ROBO2: variants seen among roughly 807,000 people sequenced by gnomAD.
ROBO2 encodes roundabout guidance receptor 2, also known as roundabout homolog 2.
In ROBO2, 53 loss-of-function variants were observed where a neutral mutation model predicts 160.8. The ratio of observed to expected loss-of-function variants is 0.33; its 90% CI spans 0.26 to 0.41. The LOEUF (loss-of-function observed/expected upper bound fraction) is 0.41, where lower values mean the gene tolerates loss of function less well. Ranked by LOEUF, ROBO2 falls within the 10% of genes least tolerant of loss-of-function variation. The pLI is 1.00. For synonymous variants in ROBO2, 664 were observed against 611.7 expected, an observed-to-expected ratio of 1.09 and a Z score of -1.26; for missense variants, 1,577 against 1,722.4, an observed-to-expected ratio of 0.92 and a Z score of 1.49.
intron 16 of ROBO2, among the ~76,000 whole-genome samples, chr3:77,581,360 G>A (rs1030102474): frequency 4.6e-5 from 7 of 151,980 alleles, no homozygotes; most frequent in Admixed American, 6.6e-5. Context: ...GATATTTAGT[G>A]CTTCCTAAGA....
Position 75,937,924 on chromosome 3 carries a change from A to G in ROBO2, c.109+322A>G, listed in dbSNP as rs1448835982. Among the ~76,000 whole-genome samples the G allele has an allele frequency of 2.2e-5, 3 of 139,416 alleles. No individual in the cohort carries two copies. The East Asian group carries it at 6.5e-4, about 30-fold the overall frequency. 91.5% of individuals were successfully genotyped at this position (139,416 alleles called of 152,430 possible). ...GTGTGTGTGTTTTGGGTGGGCGGGTATGCGTATGAGTTTGTGTTTGTGGTA... is the reference window on the plus strand; with the variant it reads ...GTGTGTGTGTTTTGGGTGGGCGGGTGTGCGTATGAGTTTGTGTTTGTGGTA... On this transcript the variant is annotated intron_variant, in intron 2 of 26. Transcript: ENST00000487694.
At chr3:77,038,246 T>G (rs2063752517), upstream of ROBO2, among the ~76,000 whole-genome samples, 1 of 152,224 alleles carries the variant, frequency 6.6e-6, no homozygotes. Flanking sequence ...GTGATTCAAC[T>G]TTAACAACCG....
chr3:77,427,262 T>C (rs1298959399), intron 2 of ROBO2, among the ~76,000 whole-genome samples: 2 of 152,220 alleles, frequency 1.3e-5, no homozygotes, highest in Admixed American at 1.3e-4. Context: ...CGCTTGCTAC[T>C]GAAAACACAG....
intron 2 of ROBO2, among the ~76,000 whole-genome samples, chr3:77,010,829 C>T (rs1356256826): frequency 7.4e-6 from 1 of 134,412 alleles, no homozygotes; most frequent in Non-Finnish European, 1.6e-5. Flanking sequence ...CTCCTTCCTT[C>T]CTTCCTCCCT....
intron 2 of ROBO2, among the ~76,000 whole-genome samples, chr3:76,485,037 G>A (rs2079418330): frequency 6.6e-6 from 1 of 151,906 alleles, no homozygotes; most frequent in Non-Finnish European, 1.5e-5. Flanking sequence ...AACCTTTTTG[G>A]TACCAAAGAC....
intron 2 of ROBO2, among the ~76,000 whole-genome samples, chr3:76,696,146 G>C (rs2092921889): frequency 6.6e-6 from 1 of 152,098 alleles, no homozygotes. Context: ...TGAATGACTT[G>C]AGGCGGGAAA....
intron 2 of ROBO2, among the ~76,000 whole-genome samples, chr3:76,372,596 G>A (rs1000863717): frequency 8.6e-5 from 13 of 151,926 alleles, no homozygotes; most frequent in African/African-American, 3.1e-4. Flanking sequence ...TAGCTGATGA[G>A]AATAACTTCA....
At chr3:76,750,886 A>T (rs1387840069) in intron 2 of ROBO2, among the ~76,000 whole-genome samples, 1 of 152,122 alleles carries the variant, frequency 6.6e-6, no homozygotes, top group African/African-American at 2.4e-5. Context: ...TAATTTATAG[A>T]TTCAATGCCA....
At chr3:76,667,643 G>A (rs12497518) in intron 2 of ROBO2, among the ~76,000 whole-genome samples, 80,510 of 151,906 alleles carry the variant, frequency 0.53, 21,859 homozygotes, top group African/African-American at 0.65. Context: ...GTAATCAGGC[G>A]TACTGTTTTT....
chr3:76,211,956 G>T (rs1703173745), intron 2 of ROBO2, among the ~76,000 whole-genome samples: 1 of 151,812 alleles, frequency 6.6e-6, no homozygotes, highest in South Asian at 2.1e-4. Flanking sequence ...TACAATTGAG[G>T]TTAATTAATA....
chr3:77,473,602 C>T (rs574454108), intron 2 of ROBO2, among the ~76,000 whole-genome samples: 18 of 151,724 alleles, frequency 1.2e-4, no homozygotes, highest in South Asian at 2.1e-4. Context: ...TACAGGCACC[C>T]GCCACTGCGC....
intron 2 of ROBO2, among the ~76,000 whole-genome samples, chr3:76,599,822 A>T (rs951347976): frequency 2.6e-5 from 4 of 152,044 alleles, no homozygotes; most frequent in Non-Finnish European, 4.4e-5. Context: ...TTTTTTTCAT[A>T]TGCTTTTGGC....
chr3:76,926,058 C>T (rs563604763), intron 2 of ROBO2, among the ~76,000 whole-genome samples: 1 of 152,272 alleles, frequency 6.6e-6, no homozygotes, highest in South Asian at 2.1e-4. Flanking sequence ...AATATGATGA[C>T]TTTAACTCCT....
At chr3:76,822,541 G>A (rs1447222927) in intron 2 of ROBO2, among the ~76,000 whole-genome samples, 1 of 151,758 alleles carries the variant, frequency 6.6e-6, no homozygotes, top group Non-Finnish European at 1.5e-5. Context: ...TCTAAACAAT[G>A]TTCTATGTAC....
intron 2 of ROBO2, among the ~76,000 whole-genome samples, chr3:77,426,108 A>C (rs1321808581): frequency 6.6e-6 from 1 of 152,110 alleles, no homozygotes; most frequent in African/African-American, 2.4e-5. Flanking sequence ...CAGGAATGTC[A>C]CGTTAAAGGT....
intron 2 of ROBO2, among the ~76,000 whole-genome samples, chr3:77,311,561 G>A (rs1474381523): frequency 1.3e-5 from 2 of 152,158 alleles, no homozygotes; most frequent in Non-Finnish European, 1.5e-5. Context: ...GATTAAGAAC[G>A]AAAGGGATTC....
chr3:75,933,082 A>C (rs1157526948), intron 1 of ROBO2, among the ~76,000 whole-genome samples: 1 of 152,206 alleles, frequency 6.6e-6, no homozygotes, highest in Non-Finnish European at 1.5e-5. Context: ...GACTCCTTTT[A>C]ATAGTGACTC....
chr3:76,617,633 G>A (rs2088698606), intron 2 of ROBO2, among the ~76,000 whole-genome samples: 3 of 152,248 alleles, frequency 2.0e-5, no homozygotes, highest in Middle Eastern at 6.8e-3. Flanking sequence ...AAAAGCTAGA[G>A]AGTTTTTTTG....
chr3:76,389,996 G>T (rs933022843), intron 2 of ROBO2, among the ~76,000 whole-genome samples: 20 of 152,218 alleles, frequency 1.3e-4, no homozygotes, highest in Admixed American at 2.6e-4. Context: ...GAGCTCAAAT[G>T]TCCCGTGTGA....
Sources: gnomAD v4.1 joint callset for allele counts (sites outside exome capture counted in the v4.1 genomes callset) on GRCh38, gnomAD v4.1.1 for gene constraint, MANE v1.5 for transcripts, NCBI Gene and HGNC (gene_info 2026-07-23, HGNC 2026-07-21) for gene names.